The following AK9 variants were observed in gnomAD, a reference collection of about 807,000 sequenced individuals.
AK9 encodes the protein adenylate kinase domain containing 1.
In AK9, 191 loss-of-function variants were observed where a neutral mutation model predicts 239.6. The ratio of observed to expected loss-of-function variants is 0.80; its 90% CI spans 0.71 to 0.90. The LOEUF (loss-of-function observed/expected upper bound fraction) is 0.90. AK9 is among the 40% of genes least tolerant of loss of function. The pLI is 0.00. For missense variants in AK9, 1,995 were observed against 2,214.7 expected, an observed-to-expected ratio of 0.90 and a Z score of 1.99; for synonymous variants, 689 against 721.0, an observed-to-expected ratio of 0.96 and a Z score of 0.71.
intron 24 of AK9, among the ~76,000 whole-genome samples, chr6:109,563,370 AC>A (rs146964405): frequency 1.7e-3 from 258 of 152,204 alleles, no homozygotes; most frequent in African/African-American, 5.2e-3. Context: ...TAAAACTTAA[AC>A]TTTTTTTCCA....
At chr6:109,629,922 C>T (rs1409176698) in intron 12 of AK9, among the ~76,000 whole-genome samples, 2 of 152,168 alleles carry the variant, frequency 1.3e-5, no homozygotes, top group African/African-American at 2.4e-5. Context: ...CGTGAGCCAC[C>T]GGGAGATATG....
intron 27 of AK9, among the ~76,000 whole-genome samples, chr6:109,536,783 T>C (rs1045820614): frequency 1.3e-5 from 2 of 152,338 alleles, no homozygotes; most frequent in South Asian, 4.1e-4. Flanking sequence ...GTCCCATCAA[T>C]ACCTAATTTA....
chr6:109,512,421 A>G (rs534060935), intron 32 of AK9, among the ~76,000 whole-genome samples: 26 of 152,284 alleles, frequency 1.7e-4, no homozygotes, highest in African/African-American at 6.0e-4. Flanking sequence ...TCACTTTCCT[A>G]ATAAACTTGC....
intron 29 of AK9, among the ~76,000 whole-genome samples, chr6:109,517,601 G>GA (rs1779403791): frequency 6.6e-6 from 1 of 152,148 alleles, no homozygotes; most frequent in South Asian, 2.1e-4. Context: ...AAAGCCGTTA[G>GA]AAAAATGTCT....
At chr6:109,515,538 T>A (rs1210653314) in intron 31 of AK9, among the ~76,000 whole-genome samples, 1 of 152,176 alleles carries the variant, frequency 6.6e-6, no homozygotes, top group African/African-American at 2.4e-5. Context: ...CTCAAGACAG[T>A]TGTTACAGAT....
intron 24 of AK9, among the ~76,000 whole-genome samples, chr6:109,561,187 C>A (rs890191164): frequency 3.9e-5 from 6 of 152,074 alleles, no homozygotes; most frequent in Non-Finnish European, 8.8e-5. Context: ...CTCCTGACCT[C>A]ATGATCCGCC....
At chr6:109,585,774 T>C in intron 18 of AK9, 142 bp downstream of exon 18, 2 of 741,404 alleles carry the variant, frequency 2.7e-6, no homozygotes, top group South Asian at 4.9e-5. Context: ...AAGCCTCATT[T>C]TGTGTACCTC....
At chr6:109,649,615 C>T (rs1273889833) in intron 8 of AK9, among the ~76,000 whole-genome samples, 1 of 152,160 alleles carries the variant, frequency 6.6e-6, no homozygotes, top group African/African-American at 2.4e-5. Flanking sequence ...ACATTCCATG[C>T]TCATGGGTAG....
In AK9 at chr6:109,564,135, C is replaced by A. The variant is rs776998087; in HGVS notation, c.2580G>T (p.Glu860Asp). ...ATTCCTGTGGAGTTCTGTCAGCAATCTCCAAGTTTAAAATTTTAATGTAAG... is the reference window on the plus strand; with the variant it reads ...ATTCCTGTGGAGTTCTGTCAGCAATATCCAAGTTTAAAATTTTAATGTAAG... ...SEAYIKILNL[E>D]IADRTPQELL... is the part of the protein sequence containing the mutation. Residue 860 changes from glutamate to aspartate, a missense_variant, in exon 23 of 41, where the codon GAG (glutamate) becomes GAT (aspartate). Glu to Asp is a conservative substitution (Grantham distance 45, BLOSUM62 2). Around this residue, in one of 5 missense-constraint regions of AK9, gnomAD observed 1,290 missense variants for 1,392.7 expected, o/e 0.93. Transcript: ENST00000424296. 10 of 1,551,438 alleles carry A rather than the reference C, an allele frequency of 6.4e-6. 1 individual carries two copies. The highest frequency in any genetic ancestry group is 4.8e-5 in the South Asian group (4 of 84,050).
At chr6:109,537,083 T>C (rs138813804) in intron 27 of AK9, among the ~76,000 whole-genome samples, 7,064 of 152,282 alleles carry the variant, frequency 0.046, 195 homozygotes, top group South Asian at 0.089. Flanking sequence ...GTTGTGTCTC[T>C]GCCAGGCTTT....
At chr6:109,632,690 T>C (rs1299146210) in intron 12 of AK9, 1 of 1,056,614 alleles carries the variant, frequency 9.5e-7, no homozygotes, top group Non-Finnish European at 1.2e-6. Flanking sequence ...GTGGGAGCTT[T>C]TGGGAAGCAG....
chr6:109,497,326 T>TCA lies in AK9; in HGVS notation c.5315+137_5315+138dup, dbSNP rs141968479. The TCA allele has an allele frequency of 7.7e-3, 3,240 of 421,200 alleles. 13 individuals carry two copies. The highest frequency in any genetic ancestry group is 0.016 in the African/African-American group (609 of 37,880). 26.1% of individuals were successfully genotyped at this position (421,200 alleles called of 1,614,324 possible). ...TGGGATGGCAGGGACCAGTGCTTGT[T>TCA]CACACACACACACACACACACACAC... On this transcript the variant is annotated intron_variant, in intron 38 of 40. Transcript: ENST00000424296.
chr6:109,647,116 AAC>A (rs1798170025), intron 8 of AK9, among the ~76,000 whole-genome samples: 1 of 152,188 alleles, frequency 6.6e-6, no homozygotes, highest in South Asian at 2.1e-4. Context: ...AACAACCAGT[AAC>A]AGTCACTGAA....
At chr6:109,565,566 TG>T (rs1178699192) in intron 21 of AK9, among the ~76,000 whole-genome samples, 5 of 152,068 alleles carry the variant, frequency 3.3e-5, no homozygotes, top group African/African-American at 7.2e-5. Context: ...CAGCTGTAGG[TG>T]TAGGCATGGA....
intron 5 of AK9, among the ~76,000 whole-genome samples, chr6:109,666,507 T>C (rs1801223998): frequency 1.3e-5 from 2 of 152,184 alleles, no homozygotes; most frequent in African/African-American, 4.8e-5. Context: ...TTGCATGTTC[T>C]ATCATAGGCA....
At chr6:109,625,583 T>C (rs1444561425) in intron 12 of AK9, among the ~76,000 whole-genome samples, 4 of 152,142 alleles carry the variant, frequency 2.6e-5, no homozygotes, top group African/African-American at 9.7e-5. Context: ...TATTGTGAAC[T>C]GCACATGCGA....
chr6:109,644,557 G>A (rs760738034), intron 9 of AK9, 57 bp downstream of exon 9: 1 of 1,422,410 alleles, frequency 7.0e-7, no homozygotes, highest in Non-Finnish European at 9.6e-7. Flanking sequence ...GTACAATACT[G>A]TCAATAGATT....
intron 26 of AK9, among the ~76,000 whole-genome samples, chr6:109,542,942 A>C (rs1241673953): frequency 6.6e-6 from 1 of 152,056 alleles, no homozygotes; most frequent in African/African-American, 2.4e-5. Context: ...TTTTTGCTAA[A>C]CCTTTTTCAA....
Position 109,493,505 on chromosome 6 carries a change from T to C in AK9, c.5600A>G (p.Glu1867Gly). ...KYKKKMEQFM[E>G]SCELITYLGA... ...CAAGTATGTTATGAGTTCACAACTC[T>C]CCATAAACTGCTCCATCTTCTTCTT... is the stretch of plus-strand genomic sequence containing the variant. Residue 1867 changes from glutamate to glycine, a missense_variant, in exon 41 of 41, where the codon GAG becomes GGG. Glu to Gly is a moderately conservative substitution (Grantham distance 98). Transcript: ENST00000424296. 6.2e-7 allele frequency: 1 copy of C among 1,614,164 alleles called. No individual in the cohort carries two copies. The highest frequency in any genetic ancestry group is 8.5e-7 in the Non-Finnish European group (1 of 1,180,012).
Sources: allele counts gnomAD v4.1 joint callset (sites outside exome capture counted in the v4.1 genomes callset), GRCh38; gene constraint gnomAD v4.1.1; regional missense constraint gnomAD v4.1.1; transcripts MANE v1.5; gene names NCBI Gene and HGNC (gene_info 2026-07-23, HGNC 2026-07-21).